The following ZFPM2 variants were observed in gnomAD, a reference collection of about 807,000 sequenced individuals.
The protein encoded by ZFPM2 is zinc finger protein, FOG family member 2.
A neutral mutation model predicts 98.6 loss-of-function variants in ZFPM2; 20 were observed. The observed-to-expected ratio is 0.20, with a 90% CI of 0.14 to 0.29. The LOEUF is 0.29. Ranked by LOEUF, ZFPM2 falls within the 10% of genes least tolerant of loss-of-function variation. The pLI is 1.00. For synonymous variants in ZFPM2, 518 were observed against 502.7 expected, an observed-to-expected ratio of 1.03 and a Z score of -0.41; for missense variants, 1,310 against 1,388.6, an observed-to-expected ratio of 0.94 and a Z score of 0.90.
At chr8:105,490,323 C>T (rs1229062724) in intron 3 of ZFPM2, among the ~76,000 whole-genome samples, 1 of 152,154 alleles carries the variant, frequency 6.6e-6, no homozygotes, top group Non-Finnish European at 1.5e-5. Flanking sequence ...GAGTTTATTT[C>T]TAAACTGAGA....
At chr8:105,632,318 C>T (rs1291198598) in intron 4 of ZFPM2, among the ~76,000 whole-genome samples, 2 of 152,074 alleles carry the variant, frequency 1.3e-5, no homozygotes, top group Non-Finnish European at 2.9e-5. Flanking sequence ...TATGGGCATG[C>T]ACCATCACAC....
intron 3 of ZFPM2, among the ~76,000 whole-genome samples, chr8:105,534,068 C>T (rs1391319532): frequency 4.6e-5 from 2 of 43,134 alleles, no homozygotes; most frequent in African/African-American, 2.4e-4. Context: ...CCCTCCCTTC[C>T]TTCCTCCCTC....
At chr8:105,491,798 T>A (rs533961342) in intron 3 of ZFPM2, among the ~76,000 whole-genome samples, 1 of 152,292 alleles carries the variant, frequency 6.6e-6, no homozygotes, top group South Asian at 2.1e-4. Context: ...ATATCTACCT[T>A]GTAAAAAATG....
At chr8:105,543,893 T>C (rs1814634592) in intron 3 of ZFPM2, among the ~76,000 whole-genome samples, 1 of 152,182 alleles carries the variant, frequency 6.6e-6, no homozygotes, top group Non-Finnish European at 1.5e-5. Flanking sequence ...ACGTTGACAT[T>C]AGTCAGGCAT....
chr8:105,421,707 G>A (rs1811795736), intron 2 of ZFPM2, among the ~76,000 whole-genome samples: 3 of 152,040 alleles, frequency 2.0e-5, no homozygotes, highest in Non-Finnish European at 2.9e-5. Flanking sequence ...TCTCAGTGAC[G>A]CATAATTATG....
chr8:105,524,336 A>C (rs1259099128), intron 3 of ZFPM2, among the ~76,000 whole-genome samples: 2 of 152,118 alleles, frequency 1.3e-5, no homozygotes, highest in Admixed American at 6.6e-5. Flanking sequence ...TTTTTTCTCC[A>C]TCATTTGCAG....
chr8:105,476,543 G>T (rs924292500), intron 3 of ZFPM2, among the ~76,000 whole-genome samples: 8 of 152,052 alleles, frequency 5.3e-5, no homozygotes, highest in Non-Finnish European at 1.2e-4. Flanking sequence ...CTGCTCTAGA[G>T]GCTGTCTTCT....
At chr8:105,504,864 T>G (rs1212098053) in intron 3 of ZFPM2, among the ~76,000 whole-genome samples, 1 of 152,204 alleles carries the variant, frequency 6.6e-6, no homozygotes, top group African/African-American at 2.4e-5. Flanking sequence ...CCTAATTGTA[T>G]TTCCCATAAA....
chr8:105,650,588 A>G (rs892067201), intron 5 of ZFPM2, among the ~76,000 whole-genome samples: 1 of 152,034 alleles, frequency 6.6e-6, no homozygotes, highest in African/African-American at 2.4e-5. Context: ...CTTTGTTCTC[A>G]TTGGTTTCAA....
chr8:105,360,235 A>C (rs1251694156), intron 1 of ZFPM2, among the ~76,000 whole-genome samples: 1 of 152,214 alleles, frequency 6.6e-6, no homozygotes, highest in African/African-American at 2.4e-5. Context: ...AAAATAAGGA[A>C]TATGGAGTTC....
intron 4 of ZFPM2, among the ~76,000 whole-genome samples, chr8:105,625,005 T>C (rs1240720997): frequency 1.3e-5 from 2 of 152,188 alleles, no homozygotes; most frequent in Non-Finnish European, 2.9e-5. Flanking sequence ...CTCTGGAATT[T>C]CACTCTCATG....
At chr8:105,485,905 G>T (rs1813222027) in intron 3 of ZFPM2, among the ~76,000 whole-genome samples, 1 of 152,168 alleles carries the variant, frequency 6.6e-6, no homozygotes, top group South Asian at 2.1e-4. Flanking sequence ...AAAATTTAAG[G>T]CATTACCGGT....
intron 5 of ZFPM2, among the ~76,000 whole-genome samples, chr8:105,758,637 T>C (rs142526886): frequency 3.9e-5 from 6 of 152,118 alleles, no homozygotes; most frequent in African/African-American, 1.2e-4. Context: ...TTTTTAGGAG[T>C]CTTATTGGGA....
At chr8:105,581,549 C>T (rs1243131296) in intron 4 of ZFPM2, among the ~76,000 whole-genome samples, 1 of 152,070 alleles carries the variant, frequency 6.6e-6, no homozygotes, top group Non-Finnish European at 1.5e-5. Context: ...CTAGAACTAA[C>T]CTGTTTATAA....
At chr8:105,406,130 T>G (rs1428787440) in intron 1 of ZFPM2, among the ~76,000 whole-genome samples, 1 of 152,140 alleles carries the variant, frequency 6.6e-6, no homozygotes, top group Admixed American at 6.6e-5. Flanking sequence ...TGGGGTTGTT[T>G]TTTTCTTGTA....
At chr8:105,799,423 T>C (rs1813933587) in intron 7 of ZFPM2, among the ~76,000 whole-genome samples, 1 of 152,222 alleles carries the variant, frequency 6.6e-6, no homozygotes, top group Non-Finnish European at 1.5e-5. Flanking sequence ...CTTTTAAATA[T>C]GGATCAGTAA....
At chr8:105,436,968 ATAAAT>A (rs1812133119) in intron 2 of ZFPM2, among the ~76,000 whole-genome samples, 1 of 152,226 alleles carries the variant, frequency 6.6e-6, no homozygotes, top group Non-Finnish European at 1.5e-5. Context: ...TGAAATGAAT[ATAAAT>A]TAAATTCTGT....
chr8:105,548,789 C>T (rs1263939969), intron 3 of ZFPM2, among the ~76,000 whole-genome samples: 1 of 152,046 alleles, frequency 6.6e-6, no homozygotes, highest in East Asian at 1.9e-4. Context: ...TCAGCAAACA[C>T]TTGTTATATT....
chr8:105,464,695 C>T (rs1426895806), intron 3 of ZFPM2, among the ~76,000 whole-genome samples: 2 of 151,618 alleles, frequency 1.3e-5, no homozygotes, highest in African/African-American at 2.4e-5. Flanking sequence ...ATAGTTCCAG[C>T]CGAGATCAAA....
Sources: gnomAD v4.1 joint callset for allele counts (sites outside exome capture counted in the v4.1 genomes callset) on GRCh38, gnomAD v4.1.1 for gene constraint, MANE v1.5 for transcripts, NCBI Gene and HGNC (gene_info 2026-07-23, HGNC 2026-07-21) for gene names.